Variants in CDON observed in about 807,000 individuals in gnomAD.
CDON encodes the protein cell adhesion associated, oncogene regulated.
A neutral mutation model predicts 120.9 loss-of-function variants in CDON; 73 were observed. The ratio of observed to expected loss-of-function variants is 0.60; its 90% CI spans 0.50 to 0.73. The LOEUF is 0.73. CDON is among the 30% of genes least tolerant of loss of function. The probability of loss-of-function intolerance (pLI) is 0.00; values close to 1 mark genes in which losing one functional copy is unlikely to be tolerated. For missense variants in CDON, 1,470 were observed against 1,587.3 expected (o/e 0.93, Z 1.26); for synonymous variants, 566 against 573.5 (o/e 0.99, Z 0.19).
Position 126,010,380 on chromosome 11 carries a change from C to T in CDON, c.1513G>A (p.Glu505Lys). The T allele has an allele frequency of 6.2e-7, 1 of 1,613,516 alleles. No individual in the cohort carries two copies. Among genetic ancestry groups the T allele is most frequent in the Non-Finnish European group, 8.5e-7 (1 of 1,179,798 alleles). Residue 505 changes from glutamate (E) to lysine (K), a missense_variant, in exon 8 of 20, where the codon GAA becomes AAA. By Grantham distance (56) the Glu-to-Lys change is moderately conservative. Transcript: ENST00000531738. ...GCTTCTGCCTGTGTGGTACCATGTT[C>T]ATTTGCAGCTTCGCAGATGTATTTC... ...AGKYICEAAN[E>K]HGTTQAEASL...
chr11:126,039,817 A>C (rs970447486), intron 1 of CDON, among the ~76,000 whole-genome samples: 2 of 152,110 alleles, frequency 1.3e-5, no homozygotes, highest in African/African-American at 4.8e-5. Flanking sequence ...CCCCTCCAAA[A>C]TAAGCCGAAC....
At position 125,988,311 on chromosome 11, in the gene CDON, A is replaced by G. The variant is rs529962905; in HGVS notation, c.2773+1326T>C. Among the ~76,000 whole-genome samples the G allele has an allele frequency of 2.0e-5, 3 of 152,330 alleles. No homozygotes were observed. The East Asian group carries it at 5.8e-4, about 29-fold the overall frequency. On this transcript the variant is annotated intron_variant, in intron 15 of 19. Transcript: ENST00000531738. ...ATGCCCAGAACTGTGGCGAGCTATC[A>G]GCAGTGCTAGTCTTAGAGCCAAGGT...
chr11:125,988,047 G>C (rs1286318965), intron 15 of CDON, among the ~76,000 whole-genome samples: 3 of 152,202 alleles, frequency 2.0e-5, no homozygotes. Flanking sequence ...TAGAGACCCT[G>C]ATGGCTGCCC....
intron 1 of CDON, among the ~76,000 whole-genome samples, chr11:126,035,343 A>G (rs1205660020): frequency 6.6e-6 from 1 of 152,240 alleles, no homozygotes; most frequent in East Asian, 1.9e-4. Flanking sequence ...TGACTTTTAC[A>G]TTATCTTACC....
At chr11:126,055,172 G>A (rs1948653289) in intron 1 of CDON, among the ~76,000 whole-genome samples, 2 of 152,198 alleles carry the variant, frequency 1.3e-5, no homozygotes, top group Non-Finnish European at 2.9e-5. Flanking sequence ...ACAAGGGGAT[G>A]AGTTAGTAGC....
intron 1 of CDON, among the ~76,000 whole-genome samples, chr11:126,058,432 T>C (rs886563276): frequency 6.6e-6 from 1 of 152,150 alleles, no homozygotes; most frequent in African/African-American, 2.4e-5. Flanking sequence ...CTGGCCATAG[T>C]AGTAGGAGAA....
chr11:126,014,531 A>G (rs971046052), intron 7 of CDON, among the ~76,000 whole-genome samples: 1 of 152,170 alleles, frequency 6.6e-6, no homozygotes, highest in African/African-American at 2.4e-5. Context: ...ACCAACACAG[A>G]TATGGTTTTA....
At chr11:125,980,711 A>G (rs1946271367) in intron 17 of CDON, among the ~76,000 whole-genome samples, 1 of 152,096 alleles carries the variant, frequency 6.6e-6, no homozygotes, top group South Asian at 2.1e-4. Flanking sequence ...CGGCATTTGC[A>G]TTTTCAAGAC....
intron 18 of CDON, among the ~76,000 whole-genome samples, chr11:125,972,867 C>T (rs760397218): frequency 6.7e-6 from 1 of 149,832 alleles, no homozygotes; most frequent in South Asian, 2.2e-4. Context: ...AGAGGCACCA[C>T]CAGATCTCAG....
At chr11:126,009,557 T>C (rs964376487) in intron 8 of CDON, among the ~76,000 whole-genome samples, 3 of 152,168 alleles carry the variant, frequency 2.0e-5, no homozygotes, top group African/African-American at 2.4e-5. Flanking sequence ...TGTGGGACCA[T>C]GGCCCCAGGC....
Position 126,021,494 on chromosome 11 carries a change from G to A in CDON, c.103C>T (p.Pro35Ser). ...CCAAGTTTCTGGACAGCAGAGAGCG[G>A]CTCAGAAGTAAAATAAGGTGCCAAG... ...SDLAPYFTSE[P>S]LSAVQKLGGP... Residue 35 changes from proline (P) to serine (S), a missense_variant, in exon 3 of 20, where the codon CCG becomes TCG. Coordinates refer to ENST00000531738, the MANE Select transcript of CDON (RefSeq NM_001378964.1). 1 of 1,613,986 alleles carries A rather than the reference G, an allele frequency of 6.2e-7. No homozygotes were observed. Among genetic ancestry groups the A allele is most frequent in the Non-Finnish European group, 8.5e-7 (1 of 1,179,924 alleles).
At chr11:125,965,397 G>A (rs1256982987) in intron 18 of CDON, among the ~76,000 whole-genome samples, 1 of 152,196 alleles carries the variant, frequency 6.6e-6, no homozygotes, top group Non-Finnish European at 1.5e-5. Flanking sequence ...GAGGGGCTGA[G>A]ATTCTGCAGG....
At chr11:126,019,864 C>T in intron 3 of CDON, 99 bp from the exon 4 acceptor site, 1 of 1,078,396 alleles carries the variant, frequency 9.3e-7, no homozygotes, top group Non-Finnish European at 1.4e-6. Context: ...GCAGCACGGC[C>T]TTTTGTGGCA....
chr11:126,024,136 A>G (rs771575413), intron 1 of CDON, among the ~76,000 whole-genome samples: 1 of 152,230 alleles, frequency 6.6e-6, no homozygotes, highest in Non-Finnish European at 1.5e-5. Flanking sequence ...GGGATAAGCC[A>G]AGAAAAGGAT....
At chr11:126,049,486 G>A (rs1183392844) in intron 1 of CDON, among the ~76,000 whole-genome samples, 1 of 152,158 alleles carries the variant, frequency 6.6e-6, no homozygotes, top group Non-Finnish European at 1.5e-5. Flanking sequence ...CAACAGAGGA[G>A]GAGGAACATC....
rs537571760 is a variant in CDON at position 126,038,700 on chromosome 11, C to T, written c.-61-15163G>A. On this transcript the variant is annotated intron_variant, in intron 1 of 19. Coordinates refer to ENST00000531738, the MANE Select transcript of CDON (RefSeq NM_001378964.1). ...CTCTGGTTATGAACAAAGAGCATTT[C>T]CAATTTGAAAACTATTTAGTTGCAA... Among the ~76,000 whole-genome samples the T allele has an allele frequency of 3.9e-5, 6 of 152,034 alleles. No homozygotes were observed. The East Asian group carries it at 9.7e-4, about 25-fold the overall frequency.
intron 17 of CDON, among the ~76,000 whole-genome samples, chr11:125,979,738 C>G (rs1006781522): frequency 6.6e-6 from 1 of 151,358 alleles, no homozygotes; most frequent in African/African-American, 2.4e-5. Context: ...TGTTAATGCT[C>G]TCTCCTTCAG....
At chr11:125,981,373 C>G (rs762375865) in intron 16 of CDON, 44 bp from the exon 17 acceptor site, 1 of 1,529,312 alleles carries the variant, frequency 6.5e-7, no homozygotes. Flanking sequence ...CACACACACA[C>G]GCACGCACAC....
At chr11:125,968,529 C>T (rs1415350786) in intron 18 of CDON, among the ~76,000 whole-genome samples, 1 of 152,196 alleles carries the variant, frequency 6.6e-6, no homozygotes, top group Non-Finnish European at 1.5e-5. Context: ...GTATGAAATA[C>T]ACACACTTCT....
Sources: allele counts gnomAD v4.1 joint callset (sites outside exome capture counted in the v4.1 genomes callset), GRCh38; gene constraint gnomAD v4.1.1; transcripts MANE v1.5; gene names NCBI Gene and HGNC (gene_info 2026-07-23, HGNC 2026-07-21).